PRDM11: variants seen among roughly 807,000 people sequenced by gnomAD.
PRDM11 encodes PR domain-containing protein 11.
In PRDM11, 20 loss-of-function variants were observed where a neutral mutation model predicts 97.8. The observed-to-expected ratio is 0.20, with a 90% CI of 0.14 to 0.30. The LOEUF is 0.30. Ranked by LOEUF, PRDM11 falls within the 10% of genes least tolerant of loss-of-function variation. The probability of loss-of-function intolerance (pLI) is 1.00; values close to 1 mark genes in which losing one functional copy is unlikely to be tolerated. For missense variants in PRDM11, 1,139 were observed against 1,555.2 expected (o/e 0.73, Z 4.50); for synonymous variants, 599 against 637.7 (o/e 0.94, Z 0.91).
At position 45,134,515 on chromosome 11, in the gene PRDM11, A is replaced by G. The variant is rs192041069; in HGVS notation, c.96+38614A>G. On this transcript the variant is annotated intron_variant, in intron 1 of 6. Coordinates refer to the PRDM11 transcript ENST00000530656. ...GGAGATTGAGACCAGCCTGGGCAAC[A>G]CAGCAAAACCCTGTCTCTACAAAAA... Among the ~76,000 whole-genome samples the G allele has an allele frequency of 5.6e-3, 848 of 152,038 alleles. 8 individuals are homozygous for G. The highest frequency in any genetic ancestry group is 0.019 in the African/African-American group (799 of 41,438).
chr11:45,229,343 A>G lies in PRDM11; in HGVS notation c.*1184A>G, dbSNP rs1366345543. ...TGCAACAAGGCTGATAACATGCTAC[A>G]TGGTCATAGGAAACTGGGGAATGTG... On this transcript the variant is annotated 3_prime_UTR_variant, in exon 8 of 8. Transcript: ENST00000683152. The G allele has an allele frequency of 2.6e-5, 4 of 152,176 alleles. No homozygotes were observed. The highest frequency in any genetic ancestry group is 1.9e-4 in the East Asian group (1 of 5,188). The allele number at this position is 152,176 out of a possible 1,614,324, so 9.4% of individuals were successfully genotyped here.
chr11:45,151,213 A>G (rs1263061188), intron 1 of PRDM11, among the ~76,000 whole-genome samples: 6 of 151,844 alleles, frequency 4.0e-5, no homozygotes, highest in Admixed American at 3.3e-4. Flanking sequence ...GTGCATCTCT[A>G]CCTCCTGCTG....
At chr11:45,187,566 G>T (rs1315521425) in intron 4 of PRDM11, among the ~76,000 whole-genome samples, 1 of 152,218 alleles carries the variant, frequency 6.6e-6, no homozygotes, top group Non-Finnish European at 1.5e-5. Context: ...GAGTAGGCGT[G>T]GCCCCAGTTC....
rs370662873 is a variant in PRDM11 at position 45,181,772 on chromosome 11, C to G, written c.6C>G (p.Thr2=). 2 of 1,612,776 alleles carry G rather than the reference C, an allele frequency of 1.2e-6. No individual in the cohort carries two copies. The highest frequency in any genetic ancestry group is 1.7e-6 in the Non-Finnish European group (2 of 1,179,694). Residue 2 remains threonine (T), a synonymous_variant, in exon 2 of 8, where the codon ACC becomes ACG. Transcript: ENST00000683152. ...CTCCTGCGTCCCAGGACAGAATGAC[C>G]GAGAACATGAAGGAGTGCTTGGCCC... is the stretch of plus-strand genomic sequence containing the variant. M[T]ENMKECLAQT... is the part of the protein sequence containing the mutation.
Position 45,190,428 on chromosome 11 carries a change from A to G in PRDM11, c.486+7305A>G, listed in dbSNP as rs373502333. 2.7e-4 allele frequency among the ~76,000 whole-genome samples: 41 copies of G among 150,590 alleles called. No homozygotes were observed. The East Asian group carries it at 7.8e-3, about 29-fold the overall frequency. On this transcript the variant is annotated intron_variant, in intron 4 of 7. Coordinates refer to ENST00000683152, the MANE Select transcript of PRDM11 (RefSeq NM_001384648.1). ...TTCCCAAAGTGCTGGGATTACAGGC[A>G]TGAGCCACCGCGCCCGGCCATACAT...
At chr11:45,105,342 C>G (rs1852042925) in intron 1 of PRDM11, among the ~76,000 whole-genome samples, 1 of 152,182 alleles carries the variant, frequency 6.6e-6, no homozygotes, top group African/African-American at 2.4e-5. Context: ...CTACCTAAGG[C>G]CACCCAACTG....
upstream of PRDM11, among the ~76,000 whole-genome samples, chr11:45,095,110 C>T (rs549479424): frequency 6.6e-6 from 1 of 152,300 alleles, no homozygotes; most frequent in East Asian, 1.9e-4. Flanking sequence ...ATCCCGCCAA[C>T]CTGCCACCCT....
chr11:45,133,527 C>T (rs1852765412), intron 1 of PRDM11, among the ~76,000 whole-genome samples: 1 of 152,220 alleles, frequency 6.6e-6, no homozygotes, highest in Admixed American at 6.5e-5. Flanking sequence ...TTGATCCAGC[C>T]ATGCCTGAAG....
intron 1 of PRDM11, among the ~76,000 whole-genome samples, chr11:45,156,357 G>A (rs1413493353): frequency 6.6e-6 from 1 of 152,208 alleles, no homozygotes; most frequent in African/African-American, 2.4e-5. Context: ...TGTTCATGGA[G>A]CGGCCCCTTG....
intron 1 of PRDM11, among the ~76,000 whole-genome samples, chr11:45,121,503 T>C (rs1042662970): frequency 2.6e-5 from 4 of 152,160 alleles, no homozygotes; most frequent in African/African-American, 9.6e-5. Context: ...GTTACAGATT[T>C]AACACACTTC....
chr11:45,212,238 G>C (rs1853768543), intron 5 of PRDM11, among the ~76,000 whole-genome samples: 1 of 152,162 alleles, frequency 6.6e-6, no homozygotes, highest in African/African-American at 2.4e-5. Context: ...TTCCCCACTA[G>C]AATAGAGCTG....
chr11:45,234,866 A>T lies in PRDM11; in HGVS notation c.*6707A>T, dbSNP rs1447119226. On this transcript the variant is annotated 3_prime_UTR_variant, in exon 8 of 8. Transcript: ENST00000683152. Reference sequence around the variant, plus strand: ...AATCACAAAGGAAAAATAAGTGGGGATGGGGGGAAATACCTAGGAGTCTAT... The same window carrying T: ...AATCACAAAGGAAAAATAAGTGGGGTTGGGGGGAAATACCTAGGAGTCTAT... 6.6e-6 allele frequency: 1 copy of T among 152,050 alleles called. No homozygotes were observed. Among genetic ancestry groups the T allele is most frequent in the Non-Finnish European group, 1.5e-5 (1 of 68,042 alleles). 9.4% of individuals were successfully genotyped at this position (152,050 alleles called of 1,614,324 possible). A position where few individuals can be genotyped will look rare whatever the true frequency, so the allele number is the denominator to read the frequency against.
At chr11:45,158,147 A>G (rs1470730658) in intron 1 of PRDM11, among the ~76,000 whole-genome samples, 1 of 152,236 alleles carries the variant, frequency 6.6e-6, no homozygotes, top group Non-Finnish European at 1.5e-5. Context: ...GTGCAGTGTC[A>G]GGGAGTCGCT....
At chr11:45,170,724 T>C (rs564651692) in intron 1 of PRDM11, among the ~76,000 whole-genome samples, 23 of 152,250 alleles carry the variant, frequency 1.5e-4, no homozygotes, top group Admixed American at 1.1e-3. Flanking sequence ...CCTTATGTTA[T>C]AACAGGTACA....
In PRDM11 at chr11:45,185,337, A is replaced by G. The variant is rs550874883; in HGVS notation, c.486+2214A>G. ...CTGTAAACATTTTACAATGGACAGA[A>G]TAGTCCCTCATAACAAAGAGTTATC... On this transcript the variant is annotated intron_variant, in intron 4 of 7. Transcript: ENST00000683152. Among the ~76,000 whole-genome samples the G allele has an allele frequency of 1.1e-4, 17 of 152,348 alleles. 1 individual carries two copies. In the East Asian group the frequency reaches 3.3e-3, roughly 29 times the overall value.
intron 4 of PRDM11, among the ~76,000 whole-genome samples, chr11:45,184,777 G>A (rs1021387456): frequency 7.2e-5 from 11 of 152,246 alleles, no homozygotes; most frequent in Admixed American, 1.3e-4. Flanking sequence ...ATATGGGTCC[G>A]AAGCTTGGAG....
In PRDM11 at chr11:45,227,704, T is replaced by C; in HGVS notation, c.3079T>C (p.Cys1027Arg). 1.3e-6 allele frequency: 2 copies of C among 1,533,934 alleles called. No homozygotes were observed. Among genetic ancestry groups the C allele is most frequent in the Non-Finnish European group, 1.7e-6 (2 of 1,146,734 alleles). The change falls in exon 8 of 8, where the codon TGT becomes CGT. Residue 1027 changes from cysteine (C) to arginine (R), a missense_variant. Around this residue, in one of 2 missense-constraint regions of PRDM11, gnomAD observed 710 missense variants for 1,044.9 expected, o/e 0.68. Coordinates refer to ENST00000683152, the MANE Select transcript of PRDM11 (RefSeq NM_001384648.1). This position sits in a 1 kb window ranked among gnomAD's most constrained non-coding sequence, Gnocchi z 8.0. ...CATCCCGACCTTTTCCCGGGATGTC[T>C]GTAGGGAAGGGCTGGACCCCCGGGG... ...EAIPTFSRDV[C>R]REGLDPRGSL...
chr11:45,152,642 A>C (rs1432980509), intron 1 of PRDM11, among the ~76,000 whole-genome samples: 1 of 152,240 alleles, frequency 6.6e-6, no homozygotes, highest in East Asian at 1.9e-4. Flanking sequence ...ACTGTGTTCA[A>C]AGTGCTTTAT....
At chr11:45,130,410 A>C (rs1331282302) in intron 1 of PRDM11, among the ~76,000 whole-genome samples, 2 of 152,214 alleles carry the variant, frequency 1.3e-5, no homozygotes, top group African/African-American at 4.8e-5. Flanking sequence ...AAACTTAAGC[A>C]CTTCACAAGA....
Sources: gnomAD v4.1 joint callset for allele counts (sites outside exome capture counted in the v4.1 genomes callset) on GRCh38, gnomAD v4.1.1 for gene constraint, gnomAD v4.1.1 regional missense constraint, Gnocchi (gnomAD v3.1) non-coding constraint, MANE v1.5 for transcripts, NCBI Gene and HGNC (gene_info 2026-07-23, HGNC 2026-07-21) for gene names.